The following KLC3 variants were observed in gnomAD, a reference collection of about 807,000 sequenced individuals.
The protein encoded by KLC3 is kinesin light chain 3.
Under a neutral mutation model 62.9 loss-of-function variants are expected in KLC3, and 72 were observed. That is an observed-to-expected ratio of 1.15 (90% CI 0.95 to 1.39). The LOEUF is 1.39. Ranked by LOEUF, KLC3 falls within the 40% of genes most tolerant of loss-of-function variation. KLC3 has a pLI of 0.00. For missense variants in KLC3, 848 were observed against 691.6 expected (o/e 1.23, Z -2.54); for synonymous variants, 377 against 300.5 (o/e 1.25, Z -2.63).
Position 45,351,464 on chromosome 19 carries a change from GTACCT to G in KLC3, c.*108_*112del. 1 of 1,583,784 alleles carries G rather than the reference GTACCT, an allele frequency of 6.3e-7. No individual in the cohort carries two copies. The highest frequency in any genetic ancestry group is 2.2e-5 in the East Asian group (1 of 44,654). ...TCTCCTGGCCCCCCCTTGCCTCTGG[GTACCT>G]GGTGGATAGCTGCCTTCTCCTGCGA... On this transcript the variant is annotated 3_prime_UTR_variant, in exon 13 of 13. Transcript: ENST00000391946.
In KLC3 at chr19:45,349,419, T is replaced by C. The variant is rs541470695; in HGVS notation, c.970-10T>C. On this transcript the variant is annotated splice_polypyrimidine_tract_variant and intron_variant, in intron 7 of 12. Coordinates refer to ENST00000391946, the MANE Select transcript of KLC3 (RefSeq NM_177417.3). ...TATGATCCCTCTGACTTGTGACCCC[T>C]GGCCCCCAGGTCCTGGGTGCTGACC... 5 of 1,596,698 alleles carry C rather than the reference T, an allele frequency of 3.1e-6. No homozygotes were observed. In the East Asian group the frequency reaches 9.0e-5, roughly 29 times the overall value.
Position 45,348,105 on chromosome 19 carries a change from G to A in KLC3, c.724G>A (p.Gly242Ser), listed in dbSNP as rs1262084780. ...QALEDLERSS[G>S]HCHPDVATML... The stretch of plus-strand genomic sequence containing the variant: ...CTTGGAGGACCTGGAGCGCAGCTCG[G>A]GCCACTGCCACCCTGACGTGGCCAC... Residue 242 changes from glycine (G) to serine (S), a missense_variant, in exon 5 of 13, where the codon GGC (glycine) becomes AGC (serine). Coordinates refer to ENST00000391946, the MANE Select transcript of KLC3 (RefSeq NM_177417.3). 6.2e-7 allele frequency: 1 copy of A among 1,602,506 alleles called. No individual in the cohort carries two copies.
chr19:45,342,011 G>T (rs967404162), intron 1 of KLC3, among the ~76,000 whole-genome samples: 1 of 152,020 alleles, frequency 6.6e-6, no homozygotes, highest in African/African-American at 2.4e-5. Flanking sequence ...TGTGCACCCG[G>T]GGCTCTGTGT....
Position 45,348,868 on chromosome 19 carries a change from C to T in KLC3, c.916C>T (p.Arg306Cys), listed in dbSNP as rs202191282. 3.4e-3 allele frequency: 5,424 copies of T among 1,585,414 alleles called. 14 individuals are homozygous for T. Among genetic ancestry groups the T allele is most frequent in the Non-Finnish European group, 4.4e-3 (5,145 of 1,166,186 alleles). Residue 306 changes from arginine to cysteine, a missense_variant, in exon 7 of 13, where the codon CGT (arginine) becomes TGT (cysteine). Arg to Cys is a radical substitution (Grantham distance 180, BLOSUM62 -3). Coordinates refer to ENST00000391946, the MANE Select transcript of KLC3 (RefSeq NM_177417.3). ...GGCTGTCCTCTATGGGAAGCGTGGG[C>T]GTTACCGGGAGGCAGAGCCCCTGTG... is the stretch of plus-strand genomic sequence containing the variant. ...NLAVLYGKRG[R>C]YREAEPLCQR... is the part of the protein sequence containing the mutation.
intron 8 of KLC3, 139 bp downstream of exon 8, chr19:45,349,741 A>C: frequency 3.7e-6 from 3 of 810,002 alleles, no homozygotes; most frequent in Non-Finnish European, 3.7e-6. Context: ...AGTGTCAGAC[A>C]CAGGAGCTGG....
chr19:45,349,742 CAG>C (rs747878635), intron 8 of KLC3, 140 bp downstream of exon 8: 110 of 774,634 alleles, frequency 1.4e-4, no homozygotes, highest in Non-Finnish European at 1.9e-4. Flanking sequence ...GTGTCAGACA[CAG>C]GAGCTGGCTC....
intron 1 of KLC3, 47 bp from the exon 2 acceptor site, chr19:45,345,487 A>C: frequency 6.5e-7 from 1 of 1,550,256 alleles, no homozygotes; most frequent in Non-Finnish European, 8.7e-7. Flanking sequence ...GGGCCAACTG[A>C]CTGGCCCGGG....
chr19:45,350,412 G>A lies in KLC3; in HGVS notation c.1215G>A (p.Glu405=), dbSNP rs948252684. ...TGTACAAAGAAATCCTCCACAAGGA[G>A]GACCTACCCGCCCCTCTCGGTGAGC... The part of the protein sequence containing the change: ...EELYKEILHK[E]DLPAPLGAPN... The change falls in exon 9 of 13, where the codon GAG becomes GAA. Residue 405 remains glutamate (E), a synonymous_variant. Coordinates refer to ENST00000391946, the MANE Select transcript of KLC3 (RefSeq NM_177417.3). 5 of 1,613,874 alleles carry A rather than the reference G, an allele frequency of 3.1e-6. No individual in the cohort carries two copies. Among genetic ancestry groups the A allele is most frequent in the East Asian group, 2.2e-5 (1 of 44,868 alleles).
In KLC3 at chr19:45,347,480, G is replaced by A. The variant is rs772603260; in HGVS notation, c.523G>A (p.Ala175Thr). The A allele has an allele frequency of 1.2e-6, 2 of 1,613,010 alleles. No individual in the cohort carries two copies. The highest frequency in any genetic ancestry group is 2.2e-5 in the East Asian group (1 of 44,842). Reference sequence around the variant, plus strand: ...GTCCCCGCCTCGCCGAGACAGCCTGGCCTCCCTGTTCCCCAGCGAGGAGGA... The same window carrying A: ...GTCCCCGCCTCGCCGAGACAGCCTGACCTCCCTGTTCCCCAGCGAGGAGGA... ...SESPPRRDSLASLFPSEEEER... is the reference protein window; with the variant it reads ...SESPPRRDSLTSLFPSEEEER... The change falls in exon 4 of 13, where the codon GCC (alanine) becomes ACC (threonine). Residue 175 changes from alanine to threonine, a missense_variant. Physicochemically the swap from Ala to Thr is moderately conservative, Grantham distance 58. Transcript: ENST00000391946.
chr19:45,350,847 C>CA, intron 11 of KLC3, 100 bp downstream of exon 11: 1 of 1,420,028 alleles, frequency 7.0e-7, no homozygotes, highest in Non-Finnish European at 9.8e-7. Context: ...CCATGGCTCC[C>CA]ATCTCCCCTG....
intron 3 of KLC3, 165 bp downstream of exon 3, chr19:45,346,939 C>T: frequency 8.0e-6 from 5 of 626,390 alleles, no homozygotes; most frequent in Non-Finnish European, 1.1e-5. Context: ...CACAGAGCCC[C>T]CAGACCCACC....
chr19:45,341,678 C>A (rs564657318), intron 1 of KLC3, among the ~76,000 whole-genome samples: 1 of 148,830 alleles, frequency 6.7e-6, no homozygotes, highest in Admixed American at 6.8e-5. Flanking sequence ...TGGGGCTGGG[C>A]GGAACTGTGT....
At position 45,345,547 on chromosome 19, in the gene KLC3, T is replaced by C; in HGVS notation, c.6T>C (p.Ser2=). Residue 2 remains serine (S), a synonymous_variant, in exon 2 of 13, where the codon TCT becomes TCC. Transcript: ENST00000391946. ...ATTGCTCCCCAGGAGCAGCAATGTC[T>C]GTGCAGGTAGCGGCTCCTGGAAGTG... is the stretch of plus-strand genomic sequence containing the variant. M[S]VQVAAPGSAG... is the part of the protein sequence containing the mutation. 1 of 1,564,786 alleles carries C rather than the reference T, an allele frequency of 6.4e-7. No homozygotes were observed. Among genetic ancestry groups the C allele is most frequent in the Non-Finnish European group, 8.7e-7 (1 of 1,155,264 alleles).
chr19:45,341,578 T>TGTGTGTGTGCGCGC, intron 1 of KLC3, among the ~76,000 whole-genome samples: 160 of 139,894 alleles, frequency 1.1e-3, no homozygotes, highest in South Asian at 3.8e-3. Context: ...TGTGTGTGTG[T>TGTGTGTGTGCGCGC]GCGCGCGCGC....
intron 1 of KLC3, chr19:45,344,834 G>C (rs377279329): frequency 6.5e-6 from 1 of 152,954 alleles, no homozygotes; most frequent in African/African-American, 2.4e-5. Context: ...CGTGTGTCCC[G>C]ACAGGCCCTG....
At chr19:45,350,798 GC>G in intron 11 of KLC3, 51 bp downstream of exon 11, 1 of 1,434,612 alleles carries the variant, frequency 7.0e-7, no homozygotes, top group Non-Finnish European at 9.6e-7. Context: ...AGAATCCACA[GC>G]CCACCCCACC....
At chr19:45,342,586 T>C (rs1971416158) in intron 1 of KLC3, among the ~76,000 whole-genome samples, 1 of 151,954 alleles carries the variant, frequency 6.6e-6, no homozygotes. Context: ...GCCAACATGG[T>C]GAAACCCCGT....
In KLC3 at chr19:45,350,695, A is replaced by C. The variant is rs747727725; in HGVS notation, c.1327A>C (p.Ser443Arg). 2 of 1,613,490 alleles carry C rather than the reference A, an allele frequency of 1.2e-6. No homozygotes were observed. Residue 443 changes from serine to arginine, a missense_variant, in exon 11 of 13, where the codon AGT becomes CGT. Transcript: ENST00000391946. ...GATCCGTGAGTCTATCAGGCGAGGAAGTGAGAAGCTGGTCTCCCGGCTCCG... is the reference window on the plus strand; with the variant it reads ...GATCCGTGAGTCTATCAGGCGAGGACGTGAGAAGCTGGTCTCCCGGCTCCG... ...SKIRESIRRGSEKLVSRLRGE... is the reference protein window; with the variant it reads ...SKIRESIRRGREKLVSRLRGE...
At position 45,348,020 on chromosome 19, in the gene KLC3, C is replaced by G; in HGVS notation, c.639C>G (p.Leu213=). 1.2e-6 allele frequency: 2 copies of G among 1,609,100 alleles called. No homozygotes were observed. The highest frequency in any genetic ancestry group is 1.7e-6 in the Non-Finnish European group (2 of 1,177,902). Residue 213 remains leucine (L), a synonymous_variant, in exon 5 of 13, where the codon CTC becomes CTG. Coordinates refer to ENST00000391946, the MANE Select transcript of KLC3 (RefSeq NM_177417.3). ...CCCGCCTTCGGACCCTGCATAACCT[C>G]GTGATCCAGTACGCGGGGCAGGGCC... ...IPARLRTLHN[L]VIQYAGQGRY... is the part of the protein sequence containing the mutation.
Sources: gnomAD v4.1 joint callset for allele counts (sites outside exome capture counted in the v4.1 genomes callset) on GRCh38, gnomAD v4.1.1 for gene constraint, MANE v1.5 for transcripts, NCBI Gene and HGNC (gene_info 2026-07-23, HGNC 2026-07-21) for gene names.